The following FHAD1 variants were observed in gnomAD, a reference collection of about 807,000 sequenced individuals.
The protein encoded by FHAD1 is forkhead associated phosphopeptide binding domain 1.
Under a neutral mutation model 191.3 loss-of-function variants are expected in FHAD1, and 146 were observed. That is an observed-to-expected ratio of 0.76 (90% CI 0.67 to 0.88). The LOEUF (loss-of-function observed/expected upper bound fraction) is 0.88. FHAD1 is among the 40% of genes least tolerant of loss of function. The pLI, the probability that FHAD1 is intolerant of heterozygous loss-of-function variation, is 0.00. For synonymous variants in FHAD1, 616 were observed against 672.3 expected, an observed-to-expected ratio of 0.92 and a Z score of 1.29; for missense variants, 1,635 against 1,785.8, an observed-to-expected ratio of 0.92 and a Z score of 1.52.
chr1:15,344,648 G>A (rs559200588), intron 16 of FHAD1, among the ~76,000 whole-genome samples: 4 of 152,302 alleles, frequency 2.6e-5, no homozygotes, highest in Admixed American at 2.6e-4. Flanking sequence ...GAATCAAATG[G>A]GTCAGAGTTA....
At chr1:15,379,447 G>T (rs1197019482) in intron 28 of FHAD1, among the ~76,000 whole-genome samples, 1 of 152,234 alleles carries the variant, frequency 6.6e-6, no homozygotes, top group Non-Finnish European at 1.5e-5. Flanking sequence ...GTACAATCGG[G>T]TTTTATACCG....
Position 15,289,623 on chromosome 1 carries a change from G to A in FHAD1, c.525G>A (p.Ser175=), listed in dbSNP as rs1047753504. 2.3e-5 allele frequency: 35 copies of A among 1,551,334 alleles called. No individual in the cohort carries two copies. The African/African-American group carries it at 2.7e-4, about 12-fold the overall frequency. ...TGAGCGCCAACAAGGAGATGTTCTC[G>A]TTCGTGGTGGACGACGCCCGCAAGC... is the stretch of plus-strand genomic sequence containing the variant. ...RPVSANKEMF[S]FVVDDARKPP... is the part of the protein sequence containing the mutation. Residue 175 remains serine, a synonymous_variant, in exon 4 of 34, where the codon TCG becomes TCA. Transcript: ENST00000688493. The surrounding 1 kb of genome is among the most constrained non-coding windows in gnomAD (Gnocchi z 4.2).
At position 15,391,198 on chromosome 1, in the gene FHAD1, T is replaced by G. The variant is rs1703953768; in HGVS notation, c.4270-12T>G. ...TAAGCTAGATTTTGTTCTTATTCTTTCTGTATTGAAGAGACGAGTATTTGT... is the reference window on the plus strand; with the variant it reads ...TAAGCTAGATTTTGTTCTTATTCTTGCTGTATTGAAGAGACGAGTATTTGT... On this transcript the variant is annotated splice_polypyrimidine_tract_variant and intron_variant, in intron 32 of 33. Transcript: ENST00000688493. The G allele has an allele frequency of 7.9e-7, 1 of 1,264,610 alleles. No homozygotes were observed. The allele number at this position is 1,264,610 out of a possible 1,614,324, so 78.3% of individuals were successfully genotyped here.
chr1:15,314,673 AATG>A (rs1673555616), intron 8 of FHAD1: 1 of 150 alleles, frequency 6.7e-3, no homozygotes, highest in African/African-American at 0.056. Context: ...TGTGGGGGTG[AATG>A]GGTGTGTGGG....
At chr1:15,246,109 A>C (rs973719736), upstream of FHAD1, among the ~76,000 whole-genome samples, 4 of 152,236 alleles carry the variant, frequency 2.6e-5, no homozygotes, top group Non-Finnish European at 4.4e-5. Flanking sequence ...AGGGGAAGCA[A>C]GGAAGCTAGC....
At chr1:15,314,100 T>C (rs988775997) in intron 8 of FHAD1, among the ~76,000 whole-genome samples, 4 of 144,356 alleles carry the variant, frequency 2.8e-5, no homozygotes, top group African/African-American at 1.0e-4. Flanking sequence ...ATAATAATAA[T>C]AACTATTTGC....
In FHAD1 at chr1:15,380,794, C is replaced by T; in HGVS notation, c.3799C>T (p.Leu1267=). 1 of 1,551,264 alleles carries T rather than the reference C, an allele frequency of 6.4e-7. No homozygotes were observed. Among genetic ancestry groups the T allele is most frequent in the Non-Finnish European group, 8.7e-7 (1 of 1,146,748 alleles). The change falls in exon 29 of 34, where the codon CTG becomes TTG. Residue 1267 remains leucine, a splice_region_variant and synonymous_variant. Coordinates refer to ENST00000688493, the MANE Select transcript of FHAD1 (RefSeq NM_001391957.1). ...TGAGGCTTTAGAGCTCAGTGAAAAG[C>T]TGGTATGTACATCCAGCATCCACCC... ...VAEALELSEK[L]YLDMSKTLGS...
chr1:15,359,625 A>T (rs1694021552), intron 21 of FHAD1, among the ~76,000 whole-genome samples: 1 of 152,024 alleles, frequency 6.6e-6, no homozygotes, highest in African/African-American at 2.4e-5. Context: ...AGGTGGGTGG[A>T]TCATCTGAGG....
chr1:15,308,821 ACT>A lies in FHAD1; in HGVS notation c.1039+86_1039+87del. On this transcript the variant is annotated intron_variant, in intron 7 of 33. Transcript: ENST00000688493. ...AGCAGACATCACCAATCAACCACAT[ACT>A]TTTTGTTACTGAACTTGGCTGCAGC... 2.6e-6 allele frequency: 4 copies of A among 1,525,194 alleles called. No individual in the cohort carries two copies. The South Asian group carries it at 4.9e-5, about 19-fold the overall frequency. The allele number at this position is 1,525,194 out of a possible 1,614,324, so 94.5% of individuals were successfully genotyped here. A position where few individuals can be genotyped will look rare whatever the true frequency, so the allele number is the denominator to read the frequency against.
intron 2 of FHAD1, among the ~76,000 whole-genome samples, chr1:15,268,963 T>C (rs79315121): frequency 0.028 from 4,241 of 152,212 alleles, 149 homozygotes; most frequent in East Asian, 0.096. Flanking sequence ...TCACTCTATA[T>C]TTATTATAGA....
chr1:15,349,393 G>A (rs1414112059), intron 19 of FHAD1, among the ~76,000 whole-genome samples: 2 of 152,220 alleles, frequency 1.3e-5, no homozygotes, highest in Non-Finnish European at 2.9e-5. Flanking sequence ...CAGGTGTCAA[G>A]TACATAGGAC....
rs114417366 is a variant in FHAD1 at position 15,289,284 on chromosome 1, G to A, written c.301-115G>A. On this transcript the variant is annotated intron_variant, in intron 3 of 33. Coordinates refer to ENST00000688493, the MANE Select transcript of FHAD1 (RefSeq NM_001391957.1). This position sits in a 1 kb window ranked among gnomAD's most constrained non-coding sequence, Gnocchi z 4.2. ...ATTATAGCTGTGTGCCACCCTGCCC[G>A]ACCGGAAGTGACTCATAAACCAAGA... is the stretch of plus-strand genomic sequence containing the variant. 15 of 1,384,106 alleles carry A rather than the reference G, an allele frequency of 1.1e-5. 1 individual carries two copies. The highest frequency in any genetic ancestry group is 2.6e-4 in the Middle Eastern group (1 of 3,844). 85.7% of individuals were successfully genotyped at this position (1,384,106 alleles called of 1,614,324 possible).
In FHAD1 at chr1:15,325,262, G is replaced by A. The variant is rs956361934; in HGVS notation, c.1473+703G>A. 3.3e-5 allele frequency: 5 copies of A among 152,248 alleles called. No individual in the cohort carries two copies. The highest frequency in any genetic ancestry group is 5.9e-5 in the Non-Finnish European group (4 of 68,202). 9.4% of individuals were successfully genotyped at this position (152,248 alleles called of 1,614,324 possible). ...CAGCCCACCCTAGATTCCTCCACAG[G>A]GGTCCCTCTCCTGGAAACCATGACT... On this transcript the variant is annotated intron_variant, in intron 11 of 33. Transcript: ENST00000688493. This position sits in a 1 kb window ranked among gnomAD's most constrained non-coding sequence, Gnocchi z 4.6.
chr1:15,398,455 A>C (rs557577905), downstream of FHAD1, among the ~76,000 whole-genome samples: 3 of 152,266 alleles, frequency 2.0e-5, no homozygotes, highest in African/African-American at 7.2e-5. Context: ...TTGACAGATG[A>C]GGAAGCCAAG....
chr1:15,294,233 T>C (rs1229089408), intron 4 of FHAD1, among the ~76,000 whole-genome samples: 1 of 152,224 alleles, frequency 6.6e-6, no homozygotes, highest in Admixed American at 6.5e-5. Context: ...AAGGCTGGAC[T>C]CTTCAAACAA....
chr1:15,241,575 G>A (rs1573529894), intron 1 of FHAD1, among the ~76,000 whole-genome samples: 5 of 152,132 alleles, frequency 3.3e-5, no homozygotes, highest in Non-Finnish European at 5.9e-5. Flanking sequence ...ACTTGAACAC[G>A]GGAGGCAGAG....
At chr1:15,374,440 G>C in intron 26 of FHAD1, 62 bp from the exon 27 acceptor site, 1 of 1,542,050 alleles carries the variant, frequency 6.5e-7, no homozygotes, top group Non-Finnish European at 8.8e-7. Flanking sequence ...TCACATTTCT[G>C]TGAATGTAAG....
rs574197668 is a variant in FHAD1, at chr1:15,365,777, T to C, written c.3048-50T>C. On this transcript the variant is annotated intron_variant, in intron 23 of 33. Coordinates refer to ENST00000688493, the MANE Select transcript of FHAD1 (RefSeq NM_001391957.1). ...TTGGCCCCTCCTGACACTCAGGAGATAACATGGAGTTTGAGTTGAACTGAC... is the reference window on the plus strand; with the variant it reads ...TTGGCCCCTCCTGACACTCAGGAGACAACATGGAGTTTGAGTTGAACTGAC... The C allele has an allele frequency of 5.1e-5, 61 of 1,196,128 alleles. No homozygotes were observed. In the African/African-American group the frequency reaches 8.8e-4, roughly 17 times the overall value. 74.1% of individuals were successfully genotyped at this position (1,196,128 alleles called of 1,614,324 possible).
At chr1:15,361,640 G>C (rs1570234068) in intron 22 of FHAD1, among the ~76,000 whole-genome samples, 1 of 152,210 alleles carries the variant, frequency 6.6e-6, no homozygotes, top group East Asian at 1.9e-4. Flanking sequence ...AGGATGAATA[G>C]GGCACCATGA....
Sources: allele counts gnomAD v4.1 joint callset (sites outside exome capture counted in the v4.1 genomes callset), GRCh38; gene constraint gnomAD v4.1.1; non-coding constraint Gnocchi (gnomAD v3.1); transcripts MANE v1.5; gene names NCBI Gene and HGNC (gene_info 2026-07-23, HGNC 2026-07-21).